SRCIN1: variants seen among roughly 807,000 people sequenced by gnomAD.
SRCIN1 encodes SRC kinase signaling inhibitor 1.
SRCIN1 carries 50 observed loss-of-function variants against 116.2 expected under a neutral mutation model. That is an observed-to-expected ratio of 0.43 (90% CI 0.34 to 0.54). The LOEUF is 0.54. SRCIN1 is among the 20% of genes least tolerant of loss of function. SRCIN1 has a pLI of 0.02. For synonymous variants in SRCIN1, 736 were observed against 750.0 expected (o/e 0.98, Z 0.30); for missense variants, 1,446 against 1,672.0 (o/e 0.86, Z 2.36).
At chr17:38,578,418 C>A in intron 2 of SRCIN1, 72 bp downstream of exon 2, 1 of 1,476,588 alleles carries the variant, frequency 6.8e-7, no homozygotes. Flanking sequence ...GGACACGGAG[C>A]ACGGGGTCAG....
intron 15 of SRCIN1, 56 bp from the exon 16 acceptor site, chr17:38,549,266 C>G: frequency 1.4e-6 from 2 of 1,444,600 alleles, no homozygotes; most frequent in Non-Finnish European, 1.8e-6. Flanking sequence ...AGTCAGTGCA[C>G]TACATCTAAC....
At chr17:38,571,977 G>A (rs929480701) in intron 2 of SRCIN1, among the ~76,000 whole-genome samples, 1 of 152,148 alleles carries the variant, frequency 6.6e-6, no homozygotes, top group Non-Finnish European at 1.5e-5. Context: ...CATGCCCTGG[G>A]AGGGGAGGGG....
At chr17:38,581,802 T>C (rs543917498) in intron 1 of SRCIN1, among the ~76,000 whole-genome samples, 3 of 152,140 alleles carry the variant, frequency 2.0e-5, no homozygotes, top group Non-Finnish European at 4.4e-5. Flanking sequence ...GAGAGTGGCC[T>C]GAATAATGCC....
Position 38,551,363 on chromosome 17 carries a change from C to A in SRCIN1, c.2754G>T (p.Lys918Asn). 6.2e-7 allele frequency: 1 copy of A among 1,613,076 alleles called. No homozygotes were observed. The highest frequency in any genetic ancestry group is 8.5e-7 in the Non-Finnish European group (1 of 1,179,518). ...VEAAERDWEE[K>N]RAALTQYSAK... is the part of the protein sequence containing the mutation. ...CACTGTACTGGGTCAGGGCTGCCCGCTTCTCCTCCCAGTCTCGCTCTGCAG... is the reference window on the plus strand; with the variant it reads ...CACTGTACTGGGTCAGGGCTGCCCGATTCTCCTCCCAGTCTCGCTCTGCAG... The change falls in exon 15 of 19, where the codon AAG becomes AAT. Residue 918 changes from lysine (K) to asparagine (N), a missense_variant. Physicochemically the swap from Lys to Asn is moderately conservative, Grantham distance 94 (BLOSUM62 0). Transcript: ENST00000617146.
chr17:38,568,319 T>C lies in SRCIN1; in HGVS notation c.325-88A>G. 1 of 1,344,894 alleles carries C rather than the reference T, an allele frequency of 7.4e-7. No individual in the cohort carries two copies. Among genetic ancestry groups the C allele is most frequent in the Non-Finnish European group, 1.0e-6 (1 of 952,984 alleles). The allele number at this position is 1,344,894 out of a possible 1,614,324, so 83.3% of individuals were successfully genotyped here. On this transcript the variant is annotated intron_variant, in intron 2 of 18. Coordinates refer to ENST00000617146, the MANE Select transcript of SRCIN1 (RefSeq NM_025248.3). This position sits in a 1 kb window ranked among gnomAD's most constrained non-coding sequence, Gnocchi z 4.5. ...GGGGCAGGTTAGAGACCCTTGGAACTCAGCACTCAGCCCTAGGACAAGGGC... is the reference window on the plus strand; with the variant it reads ...GGGGCAGGTTAGAGACCCTTGGAACCCAGCACTCAGCCCTAGGACAAGGGC...
Position 38,562,715 on chromosome 17 carries a change from A to G in SRCIN1, c.834+112T>C. The stretch of plus-strand genomic sequence containing the variant: ...GCTCTTCCCTAACCCCTCAGCCCCT[A>G]TGCTGTCTTCTCCAAAGCTGGCCCT... On this transcript the variant is annotated intron_variant, in intron 6 of 18. Transcript: ENST00000617146. The surrounding 1 kb of genome is among the most constrained non-coding windows in gnomAD (Gnocchi z 4.2). 5 of 931,500 alleles carry G rather than the reference A, an allele frequency of 5.4e-6. No individual in the cohort carries two copies. Among genetic ancestry groups the G allele is most frequent in the Non-Finnish European group, 8.3e-6 (5 of 602,524 alleles). 57.7% of individuals were successfully genotyped at this position (931,500 alleles called of 1,614,324 possible).
rs1236354187 is a variant in SRCIN1, at chr17:38,552,164, G to C, written c.2481-32C>G. The C allele has an allele frequency of 1.3e-6, 2 of 1,589,350 alleles. No homozygotes were observed. The highest frequency in any genetic ancestry group is 1.7e-6 in the Non-Finnish European group (2 of 1,166,058). ...TTGGGAGAGTTGGGAGCAGCTGTGA[G>C]GCCAGCAGGTGGTGACCCTTCTGCA... On this transcript the variant is annotated intron_variant, in intron 13 of 18. Coordinates refer to ENST00000617146, the MANE Select transcript of SRCIN1 (RefSeq NM_025248.3). The surrounding 1 kb of genome is among the most constrained non-coding windows in gnomAD (Gnocchi z 5.3).
At chr17:38,589,196 G>A (rs1908307786) in intron 1 of SRCIN1, among the ~76,000 whole-genome samples, 2 of 152,172 alleles carry the variant, frequency 1.3e-5, no homozygotes, top group Admixed American at 6.5e-5. Flanking sequence ...GCTTACAGGC[G>A]TGAGCCACCG....
intron 1 of SRCIN1, among the ~76,000 whole-genome samples, chr17:38,597,885 C>T (rs2143446507): frequency 6.6e-6 from 1 of 152,230 alleles, no homozygotes; most frequent in Non-Finnish European, 1.5e-5. Flanking sequence ...CCCAGGCTGC[C>T]AGTGGACCAG....
intron 1 of SRCIN1, among the ~76,000 whole-genome samples, chr17:38,579,733 TC>T (rs2143326774): frequency 6.6e-6 from 1 of 152,220 alleles, no homozygotes; most frequent in South Asian, 2.1e-4. Flanking sequence ...TGAATCCCCT[TC>T]CCAAATGCTC....
In SRCIN1 at chr17:38,538,716, G is replaced by T. The variant is rs562529110; in HGVS notation, c.3417+5107C>A. On this transcript the variant is annotated intron_variant, in intron 18 of 18. Transcript: ENST00000617146. ...TAACGTATCACCTTCTAGAATTCTC[G>T]TCACAAGCGCGATCTCATCGAGGCT... 1.3e-5 allele frequency among the ~76,000 whole-genome samples: 2 copies of T among 152,066 alleles called. 1 individual carries two copies. Among genetic ancestry groups the T allele is most frequent in the South Asian group, 4.1e-4 (2 of 4,832 alleles).
rs1311218133 is a variant in SRCIN1 at position 38,561,891 on chromosome 17, G to A, written c.1272C>T (p.Gly424=). ...GCACCGAGCCGCGCTTGTAGAGGCC[G>A]CCGGCGCCCGGGTAGGCGAACGGGT... ...AGDPFAYPGA[G]GLYKRGSVRS... The change falls in exon 7 of 19, where the codon GGC becomes GGT. Residue 424 remains glycine (G), a synonymous_variant. Transcript: ENST00000617146. 6.9e-6 allele frequency: 10 copies of A among 1,444,860 alleles called. No homozygotes were observed. The highest frequency in any genetic ancestry group is 8.1e-6 in the Non-Finnish European group (9 of 1,115,050). The allele number at this position is 1,444,860 out of a possible 1,614,324, so 89.5% of individuals were successfully genotyped here. A position where few individuals can be genotyped will look rare whatever the true frequency, so the allele number is the denominator to read the frequency against.
Position 38,558,428 on chromosome 17 carries a change from C to A in SRCIN1, c.2026-26G>T, listed in dbSNP as rs1187551172. On this transcript the variant is annotated intron_variant, in intron 10 of 18. Transcript: ENST00000617146. The surrounding 1 kb of genome is among the most constrained non-coding windows in gnomAD (Gnocchi z 4.6). ...CTGCGGGACGCACGGACGGATGGAC[C>A]CGGGTGGGGGGAGCGGAGCCGCGAG... 1.9e-6 allele frequency: 3 copies of A among 1,568,546 alleles called. No homozygotes were observed. The highest frequency in any genetic ancestry group is 2.7e-5 in the African/African-American group (2 of 73,602).
intron 2 of SRCIN1, among the ~76,000 whole-genome samples, chr17:38,569,337 C>A (rs1243254996): frequency 2.0e-5 from 3 of 152,224 alleles, no homozygotes; most frequent in Non-Finnish European, 2.9e-5. Flanking sequence ...GAGACAGAGG[C>A]AGCAGATGGC....
chr17:38,606,429 C>T (rs1250435080), upstream of SRCIN1, among the ~76,000 whole-genome samples: 7 of 152,092 alleles, frequency 4.6e-5, no homozygotes, highest in African/African-American at 1.7e-4. The surrounding 1 kb of genome is among the most constrained non-coding windows in gnomAD (Gnocchi z 5.2). Context: ...TGGGAGCGCC[C>T]GGATCCTCCT....
chr17:38,551,096 C>T, intron 15 of SRCIN1, 59 bp downstream of exon 15: 3 of 720,292 alleles, frequency 4.2e-6, no homozygotes, highest in Non-Finnish European at 6.7e-6. Context: ...TCAGCCTGGG[C>T]TCCTGAGGAG....
intron 1 of SRCIN1, among the ~76,000 whole-genome samples, chr17:38,587,468 C>T (rs1456562586): frequency 6.6e-6 from 1 of 152,152 alleles, no homozygotes; most frequent in Non-Finnish European, 1.5e-5. Context: ...AACCACAGTG[C>T]TCTCTCTCCA....
intron 1 of SRCIN1, among the ~76,000 whole-genome samples, chr17:38,589,727 G>A (rs1391199714): frequency 6.6e-6 from 1 of 152,212 alleles, no homozygotes; most frequent in African/African-American, 2.4e-5. Context: ...CTCTGCTGAT[G>A]GGGAAGGACA....
chr17:38,561,925 G>A lies in SRCIN1; in HGVS notation c.1238C>T (p.Ala413Val), dbSNP rs1261785544. ...CGGGTAGGCGAACGGGTCGCCGGCGGCCGCGGCCAGGCTCAGACGGCCCTC... is the reference window on the plus strand; with the variant it reads ...CGGGTAGGCGAACGGGTCGCCGGCGACCGCGGCCAGGCTCAGACGGCCCTC... ...LHEGRLSLAA[A>V]AGDPFAYPGA... Residue 413 changes from alanine to valine, a missense_variant, in exon 7 of 19, where the codon GCC becomes GTC. By Grantham distance (64) the Ala-to-Val change is moderately conservative (BLOSUM62 0). Around this residue, in one of 5 missense-constraint regions of SRCIN1, gnomAD observed 239 missense variants for 317.7 expected, o/e 0.75. Transcript: ENST00000617146. The A allele has an allele frequency of 1.4e-6, 2 of 1,394,690 alleles. No homozygotes were observed. The highest frequency in any genetic ancestry group is 3.3e-5 in the Admixed American group (1 of 30,218). The allele number at this position is 1,394,690 out of a possible 1,614,324, so 86.4% of individuals were successfully genotyped here. A position where few individuals can be genotyped will look rare whatever the true frequency, so the allele number is the denominator to read the frequency against.
Sources: allele counts gnomAD v4.1 joint callset (sites outside exome capture counted in the v4.1 genomes callset), GRCh38; gene constraint gnomAD v4.1.1; regional missense constraint gnomAD v4.1.1; non-coding constraint Gnocchi (gnomAD v3.1); transcripts MANE v1.5; gene names NCBI Gene and HGNC (gene_info 2026-07-23, HGNC 2026-07-21).